Variants in ADGRB3 observed in about 807,000 individuals in gnomAD.
ADGRB3 encodes the protein brain-specific angiogenesis inhibitor 3.
Under a neutral mutation model 193.4 loss-of-function variants are expected in ADGRB3, and 37 were observed. That is an observed-to-expected ratio of 0.19 (90% CI 0.15 to 0.25). The LOEUF (loss-of-function observed/expected upper bound fraction) is 0.25. ADGRB3 is among the 10% of genes least tolerant of loss of function. The probability of loss-of-function intolerance (pLI) is 1.00; values close to 1 mark genes in which losing one functional copy is unlikely to be tolerated. For synonymous variants in ADGRB3, 690 were observed against 644.2 expected, an observed-to-expected ratio of 1.07 and a Z score of -1.08; for missense variants, 1,637 against 1,852.9, an observed-to-expected ratio of 0.88 and a Z score of 2.14.
At chr6:68,664,316 A>G (rs1768744721) in intron 3 of ADGRB3, among the ~76,000 whole-genome samples, 1 of 151,782 alleles carries the variant, frequency 6.6e-6, no homozygotes, top group East Asian at 1.9e-4. Context: ...TGTTTTTGCC[A>G]TCCTTCAAAT....
At chr6:69,202,634 A>C (rs768617535) in intron 17 of ADGRB3, among the ~76,000 whole-genome samples, 16 of 152,176 alleles carry the variant, frequency 1.1e-4, no homozygotes, top group Non-Finnish European at 4.4e-5. Flanking sequence ...TTCAAGTAAT[A>C]TTTAGAACTA....
chr6:69,231,797 A>C (rs985041153), intron 17 of ADGRB3, among the ~76,000 whole-genome samples: 1 of 152,358 alleles, frequency 6.6e-6, no homozygotes, highest in South Asian at 2.1e-4. Context: ...CTTCGAATAC[A>C]GTGCATTTTC....
chr6:68,988,762 G>A (rs1582374897), intron 10 of ADGRB3, among the ~76,000 whole-genome samples: 2 of 152,108 alleles, frequency 1.3e-5, no homozygotes, highest in African/African-American at 2.4e-5. Context: ...AAGCAGCGAT[G>A]CCCTTCCAAG....
chr6:69,083,771 C>CTTTT (rs35483512), intron 17 of ADGRB3, among the ~76,000 whole-genome samples: 2 of 102,232 alleles, frequency 2.0e-5, no homozygotes, highest in South Asian at 3.5e-4. Context: ...TTAACTGTTA[C>CTTTT]TTTTTTTTTT....
chr6:68,671,526 A>T (rs1483060348), intron 3 of ADGRB3, among the ~76,000 whole-genome samples: 8 of 151,870 alleles, frequency 5.3e-5, no homozygotes, highest in Middle Eastern at 3.2e-3. Flanking sequence ...TATGGCTTTT[A>T]TCTTTTATTT....
intron 3 of ADGRB3, among the ~76,000 whole-genome samples, chr6:68,867,972 C>T (rs1765346854): frequency 6.6e-6 from 1 of 152,134 alleles, no homozygotes; most frequent in South Asian, 2.1e-4. Context: ...TGCCTTGTCT[C>T]AGATGAGACT....
chr6:69,095,866 A>G (rs1253264974), intron 17 of ADGRB3, among the ~76,000 whole-genome samples: 1 of 152,198 alleles, frequency 6.6e-6, no homozygotes, highest in East Asian at 1.9e-4. Flanking sequence ...ATTGCATATG[A>G]AATTTCTAAA....
intron 3 of ADGRB3, among the ~76,000 whole-genome samples, chr6:68,850,955 G>T (rs548829582): frequency 6.6e-6 from 1 of 151,906 alleles, no homozygotes; most frequent in Non-Finnish European, 1.5e-5. Context: ...TCACATTTGA[G>T]CTCATTTTTG....
chr6:69,302,903 TG>T lies in ADGRB3; in HGVS notation c.2815-21967del, dbSNP rs1163109543. ...AGGAAATCATGAAAGAGACTGGATG[TG>T]GCAAAACAGGTGGAGAGTGAAGAAT... On this transcript the variant is annotated intron_variant, in intron 20 of 31. Coordinates refer to ENST00000370598, the MANE Select transcript of ADGRB3 (RefSeq NM_001704.3). Among the ~76,000 whole-genome samples the T allele has an allele frequency of 3.9e-5, 6 of 151,940 alleles. 1 individual carries two copies. Among genetic ancestry groups the T allele is most frequent in the Middle Eastern group, 6.3e-3 (2 of 316 alleles).
chr6:69,324,269 G>T (rs1371349527), intron 20 of ADGRB3, among the ~76,000 whole-genome samples: 1 of 152,122 alleles, frequency 6.6e-6, no homozygotes, highest in Non-Finnish European at 1.5e-5. Flanking sequence ...CAAAGTAATA[G>T]TATAGAAGCA....
intron 30 of ADGRB3, among the ~76,000 whole-genome samples, chr6:69,380,324 A>G (rs1002406255): frequency 6.6e-6 from 1 of 151,944 alleles, no homozygotes; most frequent in African/African-American, 2.4e-5. Flanking sequence ...TTCCAGCAAC[A>G]TGGGAAGGAT....
chr6:68,657,147 C>A (rs923078793), intron 3 of ADGRB3, among the ~76,000 whole-genome samples: 1 of 151,372 alleles, frequency 6.6e-6, no homozygotes, highest in African/African-American at 2.4e-5. Context: ...TAAAAATAAA[C>A]ACATCCTTTC....
intron 17 of ADGRB3, among the ~76,000 whole-genome samples, chr6:69,088,287 G>A (rs994381): frequency 0.68 from 102,968 of 152,004 alleles, 35,808 homozygotes; most frequent in East Asian, 0.96. Flanking sequence ...ATCAATATAC[G>A]TTAAAAAAAA....
chr6:68,941,978 A>T (rs1245614840), intron 5 of ADGRB3, among the ~76,000 whole-genome samples: 4 of 151,148 alleles, frequency 2.6e-5, no homozygotes, highest in African/African-American at 9.7e-5. Flanking sequence ...CCAAAATTTT[A>T]TGGGAAAAAA....
At chr6:69,025,519 T>A (rs1413907900) in intron 13 of ADGRB3, among the ~76,000 whole-genome samples, 2 of 141,562 alleles carry the variant, frequency 1.4e-5, no homozygotes, top group Non-Finnish European at 3.0e-5. Flanking sequence ...AATACACAAT[T>A]TAACTTTTTT....
intron 6 of ADGRB3, among the ~76,000 whole-genome samples, chr6:68,954,413 G>C (rs1439054350): frequency 6.6e-6 from 1 of 151,988 alleles, no homozygotes; most frequent in Admixed American, 6.6e-5. Flanking sequence ...GATAAATCAA[G>C]CTGAACAGTC....
At chr6:69,314,801 A>T (rs1255091171) in intron 20 of ADGRB3, among the ~76,000 whole-genome samples, 2 of 151,538 alleles carry the variant, frequency 1.3e-5, no homozygotes, top group Admixed American at 1.3e-4. Context: ...TGAAGTGATA[A>T]TAACAAAAGG....
chr6:69,118,262 A>G (rs751882591), intron 17 of ADGRB3, among the ~76,000 whole-genome samples: 4 of 152,120 alleles, frequency 2.6e-5, no homozygotes, highest in Non-Finnish European at 4.4e-5. Flanking sequence ...TAACTTATGC[A>G]TTGATGATTG....
intron 17 of ADGRB3, among the ~76,000 whole-genome samples, chr6:69,198,775 T>G (rs2150357186): frequency 6.6e-6 from 1 of 152,238 alleles, no homozygotes; most frequent in Non-Finnish European, 1.5e-5. Flanking sequence ...TCCCCTGAAT[T>G]AATTAATAAA....
Sources: gnomAD v4.1 joint callset for allele counts (sites outside exome capture counted in the v4.1 genomes callset) on GRCh38, gnomAD v4.1.1 for gene constraint, MANE v1.5 for transcripts, NCBI Gene and HGNC (gene_info 2026-07-23, HGNC 2026-07-21) for gene names.